PNPLA4: variants seen among roughly 807,000 people sequenced by gnomAD.
PNPLA4 encodes patatin like domain 4, phospholipase and triacylglycerol lipase.
In PNPLA4, 15 loss-of-function variants were observed where a neutral mutation model predicts 18.3. The ratio of observed to expected loss-of-function variants is 0.82; its 90% confidence interval spans 0.55 to 1.26. The LOEUF (loss-of-function observed/expected upper bound fraction) is 1.26. Ranked by LOEUF, PNPLA4 falls within the 50% of genes most tolerant of loss-of-function variation. The pLI is 0.00. For missense variants in PNPLA4, 229 were observed against 196.8 expected, an observed-to-expected ratio of 1.16 and a Z score of -0.98; for synonymous variants, 88 against 85.6, an observed-to-expected ratio of 1.03 and a Z score of -0.16.
At position 7,899,681 on chromosome X, in the gene PNPLA4, A is replaced by AGAGAC. The variant is rs1923463856; in HGVS notation, c.*1004_*1005insGTCTC. The stretch of plus-strand genomic sequence containing the variant: ...AGAGAGAGAGAGAGAGAGAGAGAGA[A>AGAGAC]TGAATGACAACCAGCTTGATAATCT... On this transcript the variant is annotated 3_prime_UTR_variant, in exon 7 of 7. Coordinates refer to ENST00000381042, the MANE Select transcript of PNPLA4 (RefSeq NM_004650.3). 1 of 25,093 alleles carries AGAGAC rather than the reference A, an allele frequency of 4.0e-5. No homozygotes were observed. Among genetic ancestry groups the AGAGAC allele is most frequent in the Non-Finnish European group, 8.2e-5 (1 of 12,249 alleles). The allele number at this position is 25,093 out of a possible 1,213,427, so 2.1% of individuals were successfully genotyped here. A position where few individuals can be genotyped will look rare whatever the true frequency, so the allele number is the denominator to read the frequency against.
chrX:7,916,413 C>G (rs1924047804), intron 4 of PNPLA4, among the ~76,000 whole-genome samples: 1 of 108,358 alleles, frequency 9.2e-6, no homozygotes, highest in Admixed American at 9.8e-5. Flanking sequence ...AGCGGCACAC[C>G]AGGAGAGGAA....
intron 4 of PNPLA4, among the ~76,000 whole-genome samples, chrX:7,915,828 T>C (rs1167971097): frequency 8.9e-6 from 1 of 112,312 alleles, no homozygotes; most frequent in Admixed American, 9.4e-5. Flanking sequence ...AAAGACAGAT[T>C]CAAATTTATC....
chrX:7,910,948 C>G lies in PNPLA4; in HGVS notation c.477+1080G>C, dbSNP rs1923855394. 4.5e-5 allele frequency among the ~76,000 whole-genome samples: 5 copies of G among 110,422 alleles called. No homozygotes were observed. The South Asian group carries it at 1.9e-3, about 43-fold the overall frequency. On this transcript the variant is annotated intron_variant, in intron 5 of 6. Coordinates refer to ENST00000381042, the MANE Select transcript of PNPLA4 (RefSeq NM_004650.3). ...ATATTTGATTAAAAGATACATATCT[C>G]TAGTAATTGTTAGATAACTGATTAT...
At chrX:7,925,378 A>G (rs1284566146) in intron 2 of PNPLA4, among the ~76,000 whole-genome samples, 5 of 112,741 alleles carry the variant, frequency 4.4e-5, no homozygotes, top group African/African-American at 1.6e-4. Context: ...AGCAGAAAAC[A>G]GATTTTAAAA....
Position 7,899,626 on chromosome X carries a change from C to CGAGAGAGAGAGAGAGA in PNPLA4, c.*1044_*1059dup, listed in dbSNP as rs59034856. On this transcript the variant is annotated 3_prime_UTR_variant, in exon 7 of 7. Transcript: ENST00000381042. Reference sequence around the variant, plus strand: ...TAGCTAAATACTCAGAGAGGTATGGCGAGAGAGAGAGAGAGAGAGAGAGAG... The same window carrying CGAGAGAGAGAGAGAGA: ...TAGCTAAATACTCAGAGAGGTATGGCGAGAGAGAGAGAGAGAGAGAGAGAGAGAGAGAGAGAGAGAG... 27 of 46,567 alleles carry CGAGAGAGAGAGAGAGA rather than the reference C, an allele frequency of 5.8e-4. 4 individuals carry two copies. Among genetic ancestry groups the CGAGAGAGAGAGAGAGA allele is most frequent in the African/African-American group, 8.9e-4 (11 of 12,323 alleles). 3.8% of individuals were successfully genotyped at this position (46,567 alleles called of 1,213,427 possible).
chrX:7,917,492 T>C lies in PNPLA4; in HGVS notation c.411+4221A>G, dbSNP rs770057724. On this transcript the variant is annotated intron_variant, in intron 4 of 6. Transcript: ENST00000381042. ...GATTTAATATGGCTTTAAAATTTCA[T>C]GACAGATTCATACAAGGGTGCTGAG... 1.8e-3 allele frequency among the ~76,000 whole-genome samples: 198 copies of C among 112,215 alleles called. 1 individual carries two copies. Among genetic ancestry groups the C allele is most frequent in the Non-Finnish European group, 2.3e-3 (122 of 53,254 alleles).
At chrX:7,922,154 C>T in intron 2 of PNPLA4, 56 bp from the exon 3 acceptor site, 1 of 883,330 alleles carries the variant, frequency 1.1e-6, no homozygotes, top group Non-Finnish European at 1.6e-6. Flanking sequence ...ACAATCATTC[C>T]ACTTCTAAAA....
In PNPLA4 at chrX:7,905,761, C is replaced by G. The variant is rs191152358; in HGVS notation, c.478-3620G>C. ...GAGGAAACTGAGGCTTGCAGGTTTCCTTGCTATAGTTCACGGGGTGGTAAA... is the reference window on the plus strand; with the variant it reads ...GAGGAAACTGAGGCTTGCAGGTTTCGTTGCTATAGTTCACGGGGTGGTAAA... On this transcript the variant is annotated intron_variant, in intron 5 of 6. Transcript: ENST00000381042. 4.2e-4 allele frequency among the ~76,000 whole-genome samples: 47 copies of G among 111,863 alleles called. No individual in the cohort carries two copies. The Admixed American group carries it at 4.4e-3, about 10-fold the overall frequency.
At chrX:7,927,166 G>A (rs1259119081) in intron 1 of PNPLA4, 120 bp downstream of exon 1, 2 of 113,469 alleles carry the variant, frequency 1.8e-5, no homozygotes, top group Non-Finnish European at 3.7e-5. Flanking sequence ...GCAACCAGGC[G>A]GCCAGGCCCA....
intron 5 of PNPLA4, among the ~76,000 whole-genome samples, chrX:7,906,767 C>A (rs1033726602): frequency 2.7e-5 from 3 of 111,887 alleles, no homozygotes; most frequent in African/African-American, 9.8e-5. Context: ...ACAGTATCAA[C>A]CTCATATAAA....
intron 4 of PNPLA4, among the ~76,000 whole-genome samples, chrX:7,916,481 G>A (rs1465678710): frequency 9.0e-6 from 1 of 111,368 alleles, no homozygotes; most frequent in Admixed American, 9.5e-5. Flanking sequence ...TCTGGAGAGT[G>A]GAGGCACTTG....
chrX:7,917,025 G>C (rs1287945226), intron 4 of PNPLA4, among the ~76,000 whole-genome samples: 1 of 112,254 alleles, frequency 8.9e-6, no homozygotes, highest in Non-Finnish European at 1.9e-5. Flanking sequence ...CTTAAGGCCT[G>C]CACCTGTCTT....
chrX:7,915,306 GT>G (rs771793358), intron 4 of PNPLA4, among the ~76,000 whole-genome samples: 66 of 51,263 alleles, frequency 1.3e-3, no homozygotes, highest in Admixed American at 6.2e-3. Flanking sequence ...GGGGTGGAGG[GT>G]GGGGGGGGGG....
At chrX:7,922,160 T>C (rs7050961) in intron 2 of PNPLA4, 62 bp from the exon 3 acceptor site, 9 of 850,129 alleles carry the variant, frequency 1.1e-5, no homozygotes, top group Non-Finnish European at 1.5e-5. Context: ...ATTCCACTTC[T>C]AAAACTTGGG....
intron 5 of PNPLA4, among the ~76,000 whole-genome samples, chrX:7,906,051 G>A (rs1196165398): frequency 1.2e-4 from 13 of 112,177 alleles, no homozygotes; most frequent in African/African-American, 1.6e-4. Context: ...AGGGATGCTC[G>A]ATGGGGCAGG....
At chrX:7,904,964 A>T (rs767794489) in intron 5 of PNPLA4, among the ~76,000 whole-genome samples, 23 of 112,101 alleles carry the variant, frequency 2.1e-4, no homozygotes, top group African/African-American at 7.1e-4. Flanking sequence ...ATAGTTTCAA[A>T]ATCATACTCG....
At chrX:7,902,796 C>T (rs1923580999) in intron 5 of PNPLA4, among the ~76,000 whole-genome samples, 1 of 111,766 alleles carries the variant, frequency 8.9e-6, no homozygotes, top group Non-Finnish European at 1.9e-5. Context: ...CAATGAGGTG[C>T]TCAAGGTGTG....
intron 5 of PNPLA4, among the ~76,000 whole-genome samples, chrX:7,905,058 T>C (rs1923664152): frequency 8.9e-6 from 1 of 112,559 alleles, no homozygotes; most frequent in Non-Finnish European, 1.9e-5. Flanking sequence ...ATTCTAAATG[T>C]GTTCCACATT....
intron 1 of PNPLA4, among the ~76,000 whole-genome samples, chrX:7,926,570 GT>G (rs1264454500): frequency 8.9e-6 from 1 of 111,786 alleles, no homozygotes; most frequent in Non-Finnish European, 1.9e-5. Context: ...TTTGTTCTTG[GT>G]AAGTGTATCA....
Sources: allele counts gnomAD v4.1 joint callset (sites outside exome capture counted in the v4.1 genomes callset), GRCh38; gene constraint gnomAD v4.1.1; transcripts MANE v1.5; gene names NCBI Gene and HGNC (gene_info 2026-07-23, HGNC 2026-07-21).